Variants in MCU observed in about 807,000 individuals in gnomAD.
MCU encodes the protein calcium uniporter protein, mitochondrial.
In MCU, 12 loss-of-function variants were observed where a neutral mutation model predicts 45.2. The ratio of observed to expected loss-of-function variants is 0.27; its 90% CI spans 0.17 to 0.43. MCU has a LOEUF of 0.43. MCU is among the 20% of genes least tolerant of loss of function. The pLI is 1.00. For missense variants in MCU, 324 were observed against 436.7 expected (o/e 0.74, Z 2.30); for synonymous variants, 160 against 165.1 (o/e 0.97, Z 0.24).
chr10:72,865,946 T>G (rs1845447389), intron 4 of MCU, among the ~76,000 whole-genome samples: 1 of 151,814 alleles, frequency 6.6e-6, no homozygotes, highest in Non-Finnish European at 1.5e-5. Flanking sequence ...CTGGCTAATT[T>G]TTTTGTATTT....
chr10:72,769,332 C>G (rs575052017), intron 1 of MCU, among the ~76,000 whole-genome samples: 3 of 152,350 alleles, frequency 2.0e-5, no homozygotes, highest in Non-Finnish European at 4.4e-5. Flanking sequence ...AACTGTGTTA[C>G]AACTGCTGCT....
intron 1 of MCU, among the ~76,000 whole-genome samples, chr10:72,732,504 A>C (rs983414448): frequency 5.3e-5 from 8 of 152,226 alleles, no homozygotes; most frequent in Non-Finnish European, 1.0e-4. Context: ...CAGATATGTG[A>C]AAGAAATTAT....
At chr10:72,824,041 A>AC (rs1844754824) in intron 1 of MCU, among the ~76,000 whole-genome samples, 1 of 152,060 alleles carries the variant, frequency 6.6e-6, no homozygotes, top group Non-Finnish European at 1.5e-5. Context: ...GCAGAGTGAG[A>AC]CCCTGTCCTC....
At chr10:72,855,437 C>T (rs1327640933) in intron 2 of MCU, among the ~76,000 whole-genome samples, 9 of 151,700 alleles carry the variant, frequency 5.9e-5, no homozygotes, top group Non-Finnish European at 2.9e-5. Context: ...AAAAAATTAT[C>T]CAGGCACAGT....
At chr10:72,853,824 GAGA>G (rs1845246041) in intron 2 of MCU, among the ~76,000 whole-genome samples, 1 of 152,008 alleles carries the variant, frequency 6.6e-6, no homozygotes, top group South Asian at 2.1e-4. Flanking sequence ...GCAACATAGT[GAGA>G]CCCTGTCTCT....
At chr10:72,748,258 G>A (rs1843443114) in intron 1 of MCU, among the ~76,000 whole-genome samples, 2 of 152,194 alleles carry the variant, frequency 1.3e-5, no homozygotes, top group South Asian at 4.1e-4. Context: ...AGGTTGGCCA[G>A]TCTGTTCTTG....
At chr10:72,824,275 C>T (rs1844759619) in intron 1 of MCU, among the ~76,000 whole-genome samples, 1 of 150,852 alleles carries the variant, frequency 6.6e-6, no homozygotes, top group African/African-American at 2.4e-5. Context: ...CAGCTCACTG[C>T]AACCTCCACC....
intron 1 of MCU, among the ~76,000 whole-genome samples, chr10:72,809,252 A>G (rs188439939): frequency 6.6e-6 from 1 of 152,240 alleles, no homozygotes; most frequent in Non-Finnish European, 1.5e-5. Context: ...TCTAAACAGA[A>G]ACTAAGACTT....
chr10:72,707,938 A>C (rs1466306990), intron 1 of MCU, among the ~76,000 whole-genome samples: 2 of 152,086 alleles, frequency 1.3e-5, no homozygotes, highest in Admixed American at 1.3e-4. Flanking sequence ...CTTCTTCAGT[A>C]GCTGTGACTA....
intron 6 of MCU, among the ~76,000 whole-genome samples, chr10:72,877,506 T>C (rs562133332): frequency 6.6e-5 from 10 of 152,252 alleles, no homozygotes; most frequent in Admixed American, 5.9e-4. Context: ...ATATCTATTA[T>C]CTATCATCAT....
At chr10:72,774,569 T>C (rs1843861623) in intron 1 of MCU, among the ~76,000 whole-genome samples, 1 of 152,160 alleles carries the variant, frequency 6.6e-6, no homozygotes, top group African/African-American at 2.4e-5. Flanking sequence ...CTGAAGGTAG[T>C]ATTGTCAGTT....
intron 2 of MCU, among the ~76,000 whole-genome samples, chr10:72,845,125 A>G (rs1426851564): frequency 6.6e-6 from 1 of 152,208 alleles, no homozygotes; most frequent in Non-Finnish European, 1.5e-5. Context: ...ATCAGATTAG[A>G]GGAAGCTTGC....
chr10:72,861,567 G>A (rs1845375974), intron 4 of MCU: 2 of 301,346 alleles, frequency 6.6e-6, no homozygotes, highest in Non-Finnish European at 1.3e-5. Context: ...GGCTGGTCTC[G>A]GACTCTTGAC....
At chr10:72,844,234 A>T (rs1845086990) in intron 2 of MCU, among the ~76,000 whole-genome samples, 1 of 152,132 alleles carries the variant, frequency 6.6e-6, no homozygotes, top group Non-Finnish European at 1.5e-5. Flanking sequence ...TAAAAATATA[A>T]AAATTAGCTG....
chr10:72,821,156 A>G (rs1007100224), intron 1 of MCU, among the ~76,000 whole-genome samples: 1 of 151,634 alleles, frequency 6.6e-6, no homozygotes, highest in African/African-American at 2.4e-5. Context: ...ATGGGTTCCT[A>G]TATTGTAGGA....
At chr10:72,830,735 A>G (rs373382464) in intron 1 of MCU, among the ~76,000 whole-genome samples, 3 of 152,210 alleles carry the variant, frequency 2.0e-5, no homozygotes, top group East Asian at 3.8e-4. Flanking sequence ...GATCTCTGCA[A>G]TTCCAAAACA....
intron 1 of MCU, among the ~76,000 whole-genome samples, chr10:72,715,650 A>G (rs1246142022): frequency 6.6e-6 from 1 of 152,248 alleles, no homozygotes; most frequent in Non-Finnish European, 1.5e-5. Context: ...CTTGGCATTT[A>G]TCTTAATTAA....
chr10:72,767,450 G>A (rs1206045465), intron 1 of MCU, among the ~76,000 whole-genome samples: 1 of 152,078 alleles, frequency 6.6e-6, no homozygotes. Context: ...TTTATGGTTT[G>A]TAATATCAAA....
At chr10:72,743,273 C>T (rs764936837) in intron 1 of MCU, among the ~76,000 whole-genome samples, 7 of 151,632 alleles carry the variant, frequency 4.6e-5, no homozygotes, top group Admixed American at 6.6e-5. Context: ...AAATGCTAGG[C>T]ATGGTGGCGG....
Sources: gnomAD v4.1 joint callset for allele counts (sites outside exome capture counted in the v4.1 genomes callset) on GRCh38, gnomAD v4.1.1 for gene constraint, MANE v1.5 for transcripts, NCBI Gene and HGNC (gene_info 2026-07-23, HGNC 2026-07-21) for gene names.